The following TXNRD1 variants were observed in gnomAD, a reference collection of about 807,000 sequenced individuals.
TXNRD1 encodes thioredoxin reductase 1, also known as thioredoxin reductase 1, cytoplasmic.
A neutral mutation model predicts 80.3 loss-of-function variants in TXNRD1; 57 were observed. That is an observed-to-expected ratio of 0.71 (90% confidence interval 0.57 to 0.89). The LOEUF is 0.89. Ranked by LOEUF, TXNRD1 falls within the 40% of genes least tolerant of loss-of-function variation. TXNRD1 has a pLI of 0.00. For missense variants in TXNRD1, 730 were observed against 803.0 expected (o/e 0.91, Z 1.10); for synonymous variants, 291 against 285.2 (o/e 1.02, Z -0.20).
intron 3 of TXNRD1, chr12:104,262,469 T>G (rs1352575145): frequency 6.6e-6 from 1 of 152,194 alleles, no homozygotes; most frequent in African/African-American, 2.4e-5. Context: ...TTCTAAGTGC[T>G]GGTTTCATGA....
chr12:104,298,691 T>C (rs1219792864), intron 4 of TXNRD1, among the ~76,000 whole-genome samples: 1 of 152,058 alleles, frequency 6.6e-6, no homozygotes, highest in African/African-American at 2.4e-5. Flanking sequence ...ACCATTGCAC[T>C]CTAGCTTGGG....
intron 1 of TXNRD1, among the ~76,000 whole-genome samples, chr12:104,232,547 C>T (rs1292222842): frequency 2.0e-5 from 3 of 151,706 alleles, no homozygotes; most frequent in South Asian, 4.2e-4. Flanking sequence ...GGTGACAGAG[C>T]GAGACACCAC....
intron 16 of TXNRD1, among the ~76,000 whole-genome samples, chr12:104,340,953 G>A (rs574479223): frequency 7.2e-5 from 11 of 152,264 alleles, no homozygotes; most frequent in East Asian, 1.9e-4. Context: ...TTTTGTATAT[G>A]AGTGTCTAAT....
intron 1 of TXNRD1, among the ~76,000 whole-genome samples, chr12:104,247,211 G>C (rs1333989731): frequency 6.6e-6 from 1 of 151,976 alleles, no homozygotes; most frequent in Non-Finnish European, 1.5e-5. Context: ...GGGAATACAG[G>C]CACCCGCCAT....
At chr12:104,265,394 G>A (rs899371387) in intron 3 of TXNRD1, 1 of 1,605,656 alleles carries the variant, frequency 6.2e-7, no homozygotes, top group African/African-American at 1.3e-5. Flanking sequence ...CCCCTCTACC[G>A]CATGCGAATC....
intron 8 of TXNRD1, 21 bp downstream of exon 8, chr12:104,319,076 C>T: frequency 6.4e-7 from 1 of 1,571,422 alleles, no homozygotes; most frequent in Non-Finnish European, 8.6e-7. Flanking sequence ...GACATCCTGA[C>T]TAGCTTTTTT....
intron 15 of TXNRD1, among the ~76,000 whole-genome samples, chr12:104,336,155 C>T (rs1323443366): frequency 6.6e-6 from 1 of 152,190 alleles, no homozygotes; most frequent in Non-Finnish European, 1.5e-5. Flanking sequence ...ACTTCAATTG[C>T]TCATAGCAGT....
At chr12:104,337,568 C>G (rs1036802081) in intron 15 of TXNRD1, among the ~76,000 whole-genome samples, 3 of 151,828 alleles carry the variant, frequency 2.0e-5, no homozygotes, top group Non-Finnish European at 4.4e-5. Flanking sequence ...AAAATGTTTT[C>G]AGACTTTGCT....
intron 16 of TXNRD1, chr12:104,346,302 G>A (rs909093082): frequency 3.9e-5 from 7 of 177,490 alleles, no homozygotes; most frequent in Admixed American, 5.7e-5. Flanking sequence ...CGTGAGCCAC[G>A]GTGCCTGGCC....
chr12:104,301,580 G>A (rs1189991576), intron 4 of TXNRD1, among the ~76,000 whole-genome samples: 2 of 152,064 alleles, frequency 1.3e-5, no homozygotes, highest in Admixed American at 6.5e-5. Context: ...CTCGTGATCC[G>A]CCCGCCTCAG....
chr12:104,289,657 T>C (rs1437757391), intron 4 of TXNRD1: 2 of 152,044 alleles, frequency 1.3e-5, no homozygotes, highest in East Asian at 1.9e-4. Context: ...TACTGAGGAG[T>C]TATAGCCACT....
chr12:104,317,093 A>G (rs1172675689), intron 7 of TXNRD1, among the ~76,000 whole-genome samples: 1 of 152,208 alleles, frequency 6.6e-6, no homozygotes, highest in Non-Finnish European at 1.5e-5. Context: ...TGTTGGGGTC[A>G]CATTGTTTGC....
In TXNRD1 at chr12:104,327,643, A is replaced by G. The variant is rs776866265; in HGVS notation, c.1514A>G (p.Gln505Arg). The G allele has an allele frequency of 3.7e-6, 6 of 1,613,552 alleles. No individual in the cohort carries two copies. The South Asian group carries it at 5.5e-5, about 15-fold the overall frequency. ...ATCCAGGCAGGAAGATTGCTGGCTC[A>G]GAGGCTCTATGCAGGTTCCACTGTC... ...VAIQAGRLLA[Q>R]RLYAGSTVKC... Residue 505 changes from glutamine to arginine, a missense_variant, in exon 13 of 17, where the codon CAG becomes CGG. Physicochemically the swap from Gln to Arg is conservative, Grantham distance 43. Coordinates refer to ENST00000525566, the MANE Select transcript of TXNRD1 (RefSeq NM_001093771.3).
rs2035513270 is a variant in TXNRD1, at chr12:104,321,123, G to C, written c.1022G>C (p.Gly341Ala). 3 of 1,611,560 alleles carry C rather than the reference G, an allele frequency of 1.9e-6. No homozygotes were observed. The highest frequency in any genetic ancestry group is 2.7e-5 in the African/African-American group (2 of 74,100). ...CTTTTCTCCTTGCCTTACTGCCCGG[G>C]TAAGACCCTGGTTGTTGGAGCATCC... ...DDLFSLPYCP[G>A]KTLVVGASYV... Residue 341 changes from glycine (G) to alanine (A), a missense_variant, in exon 10 of 17, where the codon GGT becomes GCT. Transcript: ENST00000525566.
chr12:104,261,644 G>A (rs2033370827), intron 3 of TXNRD1, among the ~76,000 whole-genome samples: 1 of 152,032 alleles, frequency 6.6e-6, no homozygotes. Flanking sequence ...CCAAAACAAC[G>A]TATATTGCAA....
At chr12:104,291,061 G>C in intron 4 of TXNRD1, 1 of 685,746 alleles carries the variant, frequency 1.5e-6, no homozygotes, top group Non-Finnish European at 2.6e-6. Flanking sequence ...ATCCGGCCTC[G>C]GCCTCCTAAA....
At chr12:104,303,314 A>C (rs920535334) in intron 4 of TXNRD1, among the ~76,000 whole-genome samples, 2 of 152,186 alleles carry the variant, frequency 1.3e-5, no homozygotes, top group Non-Finnish European at 2.9e-5. Context: ...AAGAACTGAG[A>C]GTTTAGCCTG....
chr12:104,271,481 C>T (rs2033651906), intron 3 of TXNRD1, among the ~76,000 whole-genome samples: 1 of 152,062 alleles, frequency 6.6e-6, no homozygotes, highest in Non-Finnish European at 1.5e-5. Flanking sequence ...CTGGCCATAT[C>T]ATTAAATGTT....
chr12:104,255,565 G>A (rs936989991), intron 2 of TXNRD1, among the ~76,000 whole-genome samples: 12 of 152,090 alleles, frequency 7.9e-5, no homozygotes, highest in African/African-American at 9.7e-5. Flanking sequence ...TTGGGAGGCC[G>A]AGGCGGGCGG....
Sources: allele counts gnomAD v4.1 joint callset (sites outside exome capture counted in the v4.1 genomes callset), GRCh38; gene constraint gnomAD v4.1.1; transcripts MANE v1.5; gene names NCBI Gene and HGNC (gene_info 2026-07-23, HGNC 2026-07-21).